MED13: variants seen among roughly 807,000 people sequenced by gnomAD.
The protein encoded by MED13 is mediator complex subunit 13, also known as mediator of RNA polymerase II transcription subunit 13.
Under a neutral mutation model 225.2 loss-of-function variants are expected in MED13, and 23 were observed. The observed-to-expected ratio is 0.10, with a 90% CI of 0.07 to 0.14. The LOEUF (loss-of-function observed/expected upper bound fraction) is 0.14. Ranked by LOEUF, MED13 falls within the 10% of genes least tolerant of loss-of-function variation. The pLI is 1.00. For missense variants in MED13, 2,197 were observed against 2,594.5 expected, an observed-to-expected ratio of 0.85 and a Z score of 3.33; for synonymous variants, 942 against 889.2, an observed-to-expected ratio of 1.06 and a Z score of -1.06.
At chr17:61,963,214 A>C (rs1227569800) in intron 20 of MED13, among the ~76,000 whole-genome samples, 2 of 143,712 alleles carry the variant, frequency 1.4e-5, no homozygotes, top group Non-Finnish European at 3.0e-5. Flanking sequence ...AAAAAAAAAA[A>C]AAAAAAAAAA....
At position 62,033,856 on chromosome 17, in the gene MED13, T is replaced by C. The variant is rs889224896; in HGVS notation, c.745A>G (p.Met249Val). Residue 249 changes from methionine (M) to valine (V), a missense_variant, in exon 5 of 30, where the codon ATG (methionine) becomes GTG (valine). Physicochemically the swap from Met to Val is conservative, Grantham distance 21 (BLOSUM62 1). Around this residue, in one of 12 missense-constraint regions of MED13, gnomAD observed 884 missense variants for 918.5 expected, o/e 0.96. Coordinates refer to ENST00000397786, the MANE Select transcript of MED13 (RefSeq NM_005121.3). ...FYPISCCLKE[M>V]SEEKQEDMDW... ...ATATCTTCCTGTTTTTCTTCAGACA[T>C]CTCCTTCAAGCAACATGAGATAGGA... is the stretch of plus-strand genomic sequence containing the variant. The C allele has an allele frequency of 6.2e-7, 1 of 1,614,088 alleles. No homozygotes were observed. The highest frequency in any genetic ancestry group is 8.5e-7 in the Non-Finnish European group (1 of 1,180,000).
chr17:61,989,582 C>T (rs1413593152), intron 11 of MED13, among the ~76,000 whole-genome samples: 1 of 152,182 alleles, frequency 6.6e-6, no homozygotes, highest in Non-Finnish European at 1.5e-5. Flanking sequence ...AGGTGATCTG[C>T]CCACCTTGGC....
At chr17:62,016,243 T>A (rs1192806025) in intron 8 of MED13, among the ~76,000 whole-genome samples, 2 of 149,678 alleles carry the variant, frequency 1.3e-5, no homozygotes, top group Non-Finnish European at 3.0e-5. Context: ...TTTTTCCTCA[T>A]GCTGTTGCCC....
intron 11 of MED13, among the ~76,000 whole-genome samples, chr17:61,988,151 A>AATT (rs2080264500): frequency 6.6e-6 from 1 of 152,190 alleles, no homozygotes; most frequent in South Asian, 2.1e-4. Flanking sequence ...CACTAACAGT[A>AATT]TGACCCTCGA....
chr17:62,044,853 G>A (rs1049360092), intron 3 of MED13, among the ~76,000 whole-genome samples: 1 of 152,078 alleles, frequency 6.6e-6, no homozygotes, highest in Non-Finnish European at 1.5e-5. Flanking sequence ...GTAGAGACAG[G>A]GTTTCACCAT....
At chr17:62,024,023 C>CTTT (rs200282637) in intron 8 of MED13, among the ~76,000 whole-genome samples, 20 of 148,694 alleles carry the variant, frequency 1.3e-4, no homozygotes, top group East Asian at 5.9e-4. Flanking sequence ...TTAAAAATGA[C>CTTT]TTTTTTTTTT....
At chr17:62,061,614 A>T (rs189710945) in intron 2 of MED13, among the ~76,000 whole-genome samples, 4 of 152,336 alleles carry the variant, frequency 2.6e-5, no homozygotes, top group Admixed American at 2.6e-4. Context: ...ACATTCTAGT[A>T]AGGTGATTTT....
chr17:62,031,132 G>A (rs1490804576), intron 6 of MED13: 4 of 185,508 alleles, frequency 2.2e-5, no homozygotes, highest in Non-Finnish European at 3.3e-5. Flanking sequence ...TAAGAGGATC[G>A]AGTAATAGTT....
intron 2 of MED13, among the ~76,000 whole-genome samples, chr17:62,058,553 A>G (rs1017255252): frequency 6.6e-6 from 1 of 151,786 alleles, no homozygotes; most frequent in Admixed American, 6.6e-5. Context: ...GAAAGAAAGA[A>G]AGAAAAAAGC....
chr17:62,054,742 GTTC>G lies in MED13; in HGVS notation c.302-2040_302-2038del, dbSNP rs375828966. On this transcript the variant is annotated intron_variant, in intron 2 of 29. Transcript: ENST00000397786. ...GACTTATGACTACTAGAATATACAT[GTTC>G]TTAATTCCAACAGAATTATGTTAGG... 9.2e-5 allele frequency among the ~76,000 whole-genome samples: 14 copies of G among 152,244 alleles called. No homozygotes were observed. In the East Asian group the frequency reaches 2.5e-3, roughly 27 times the overall value.
intron 2 of MED13, among the ~76,000 whole-genome samples, chr17:62,062,600 C>CCACACACACA (rs58730188): frequency 8.1e-5 from 11 of 136,200 alleles, no homozygotes; most frequent in Non-Finnish European, 1.4e-4. Context: ...CACACACACA[C>CCACACACACA]CACACACACA....
At position 62,035,472 on chromosome 17, in the gene MED13, G is replaced by T; in HGVS notation, c.607C>A (p.Pro203Thr). ...TAATAAAATAATCTACCTTGAAATG[G>T]GCTATTAGACTGTTGAGCAAGGGTG... The part of the protein sequence containing the change: ...HITLAQQSNS[P>T]FQVILCPFGL... The change falls in exon 4 of 30, where the codon CCA (proline) becomes ACA (threonine). Residue 203 changes from proline to threonine, a missense_variant. Coordinates refer to ENST00000397786, the MANE Select transcript of MED13 (RefSeq NM_005121.3). 1 of 1,602,586 alleles carries T rather than the reference G, an allele frequency of 6.2e-7. No homozygotes were observed. The highest frequency in any genetic ancestry group is 8.5e-7 in the Non-Finnish European group (1 of 1,175,540).
At chr17:62,018,359 C>T (rs56814030) in intron 8 of MED13, among the ~76,000 whole-genome samples, 1 of 152,018 alleles carries the variant, frequency 6.6e-6, no homozygotes, top group East Asian at 1.9e-4. Context: ...TACGGTATAA[C>T]AACTATTTAC....
rs1286902068 is a variant in MED13, at chr17:61,943,084, C to T, written c.*3384G>A. 6.6e-6 allele frequency: 1 copy of T among 152,268 alleles called. No homozygotes were observed. Among genetic ancestry groups the T allele is most frequent in the African/African-American group, 2.4e-5 (1 of 41,352 alleles). 9.4% of individuals were successfully genotyped at this position (152,268 alleles called of 1,614,324 possible). On this transcript the variant is annotated 3_prime_UTR_variant, in exon 30 of 30. Transcript: ENST00000397786. ...AAAAATTTAAACCACAGTTCTGGGC[C>T]CATTAAAACACCAAAAAAGACCCCC...
rs76704872 is a variant in MED13, at chr17:62,011,188, T to C, written c.1329A>G (p.Ala443=). Residue 443 remains alanine, a synonymous_variant, in exon 9 of 30, where the codon GCA becomes GCG. Coordinates refer to ENST00000397786, the MANE Select transcript of MED13 (RefSeq NM_005121.3). ...KSRNAGQQGQ[A]PSLGQQQQIL... ...TTTGTTGTTGCTGACCTAAAGATGG[T>C]GCCTGTCCTTGTTGTCCAGCATTTC... The C allele has an allele frequency of 3.0e-3, 4,893 of 1,613,332 alleles. 74 individuals are homozygous for C. The African/African-American group carries it at 0.047, about 16-fold the overall frequency.
Position 62,011,238 on chromosome 17 carries a change from A to G in MED13, c.1284-5T>C, listed in dbSNP as rs2080505925. The G allele has an allele frequency of 6.2e-7, 1 of 1,602,654 alleles. No individual in the cohort carries two copies. Among genetic ancestry groups the G allele is most frequent in the Non-Finnish European group, 8.5e-7 (1 of 1,175,136 alleles). ...CTTGACTTGAGATTTTTGTGCCTGA[A>G]AAGTGAAAATAAAGGTTTCATATTT... On this transcript the variant is annotated splice_polypyrimidine_tract_variant and splice_region_variant and intron_variant, in intron 8 of 29. Coordinates refer to ENST00000397786, the MANE Select transcript of MED13 (RefSeq NM_005121.3).
chr17:61,945,154 T>C lies in MED13; in HGVS notation c.*1314A>G, dbSNP rs186501038. ...AAGGGAAGTTTAAAAAATGGTTCTTTCACTAGTGGAATAGAGTCTGAATAC... is the reference window on the plus strand; with the variant it reads ...AAGGGAAGTTTAAAAAATGGTTCTTCCACTAGTGGAATAGAGTCTGAATAC... On this transcript the variant is annotated 3_prime_UTR_variant, in exon 30 of 30. Transcript: ENST00000397786. The C allele has an allele frequency of 6.6e-6, 1 of 152,394 alleles. No homozygotes were observed. The highest frequency in any genetic ancestry group is 1.9e-4 in the East Asian group (1 of 5,196). The allele number at this position is 152,394 out of a possible 1,614,324, so 9.4% of individuals were successfully genotyped here.
chr17:61,972,985 G>T, intron 16 of MED13, 97 bp from the exon 17 acceptor site: 1 of 940,308 alleles, frequency 1.1e-6, no homozygotes, highest in Non-Finnish European at 1.6e-6. Flanking sequence ...GGAAGTTCAG[G>T]TCTTCAGCAT....
At chr17:61,955,883 C>CAAAAAAAAAAAA (rs2079939577) in intron 24 of MED13, 45 bp from the exon 25 acceptor site, 3 of 930,462 alleles carry the variant, frequency 3.2e-6, no homozygotes, top group African/African-American at 2.0e-5. Flanking sequence ...AAAAAAAAAT[C>CAAAAAAAAAAAA]AAAGTAACAG....
Sources: gnomAD v4.1 joint callset for allele counts (sites outside exome capture counted in the v4.1 genomes callset) on GRCh38, gnomAD v4.1.1 for gene constraint, gnomAD v4.1.1 regional missense constraint, MANE v1.5 for transcripts, NCBI Gene and HGNC (gene_info 2026-07-23, HGNC 2026-07-21) for gene names.